The following CADPS2 variants were observed in gnomAD, a reference collection of about 807,000 sequenced individuals.
CADPS2 encodes the protein calcium dependent secretion activator 2.
CADPS2 carries 93 observed loss-of-function variants against 172.5 expected under a neutral mutation model. The observed-to-expected ratio is 0.54, with a 90% CI of 0.46 to 0.64. CADPS2 has a LOEUF of 0.64. Ranked by LOEUF, CADPS2 falls within the 30% of genes least tolerant of loss-of-function variation. The probability of loss-of-function intolerance (pLI) is 0.00; values close to 1 mark genes in which losing one functional copy is unlikely to be tolerated. For synonymous variants in CADPS2, 546 were observed against 555.2 expected (o/e 0.98, Z 0.23); for missense variants, 1,420 against 1,565.9 (o/e 0.91, Z 1.57).
chr7:122,391,536 C>T (rs556188571), intron 22 of CADPS2, among the ~76,000 whole-genome samples: 2 of 152,084 alleles, frequency 1.3e-5, no homozygotes, highest in African/African-American at 4.8e-5. Flanking sequence ...AAAAATCATA[C>T]ACTTAGAAAG....
At chr7:122,728,655 C>G (rs1048308192) in intron 2 of CADPS2, among the ~76,000 whole-genome samples, 1 of 151,676 alleles carries the variant, frequency 6.6e-6, no homozygotes, top group African/African-American at 2.4e-5. Context: ...AAGAGAAGTA[C>G]AACGGAAGAA....
intron 2 of CADPS2, among the ~76,000 whole-genome samples, chr7:122,690,646 G>C (rs1047483007): frequency 6.6e-6 from 1 of 152,176 alleles, no homozygotes; most frequent in Admixed American, 6.5e-5. Context: ...TCCTCTCATG[G>C]ATCCGGCCAC....
intron 14 of CADPS2, among the ~76,000 whole-genome samples, chr7:122,461,050 T>C (rs1330837547): frequency 6.6e-6 from 1 of 152,196 alleles, no homozygotes; most frequent in Non-Finnish European, 1.5e-5. Context: ...AGAGACTACA[T>C]GGTCAAAAAT....
intron 2 of CADPS2, among the ~76,000 whole-genome samples, chr7:122,670,675 A>G (rs529257640): frequency 6.6e-6 from 1 of 151,236 alleles, no homozygotes; most frequent in East Asian, 2.0e-4. Context: ...TTTTTTTTGT[A>G]TTTTTAGTAG....
intron 17 of CADPS2, among the ~76,000 whole-genome samples, chr7:122,423,472 T>A (rs1233365733): frequency 6.6e-6 from 1 of 152,110 alleles, no homozygotes; most frequent in African/African-American, 2.4e-5. Context: ...GTGAGGTGGT[T>A]CCCAAAAGCC....
intron 5 of CADPS2, among the ~76,000 whole-genome samples, chr7:122,617,887 C>T (rs2075117329): frequency 6.6e-6 from 1 of 152,126 alleles, no homozygotes; most frequent in Middle Eastern, 3.4e-3. Context: ...ACTAAAAATA[C>T]AAAAAATTAG....
rs1172975159 is a variant in CADPS2, at chr7:122,345,468, G to C, written c.3612+106C>G. ...CAACTTTTTAGTATAGAAGATACAGGATCACAAAAAGGAGACTATGCTTTG... is the reference window on the plus strand; with the variant it reads ...CAACTTTTTAGTATAGAAGATACAGCATCACAAAAAGGAGACTATGCTTTG... On this transcript the variant is annotated intron_variant, in intron 28 of 29. Coordinates refer to ENST00000449022, the MANE Select transcript of CADPS2 (RefSeq NM_017954.11). 3 of 675,558 alleles carry C rather than the reference G, an allele frequency of 4.4e-6. No individual in the cohort carries two copies. In the South Asian group the frequency reaches 5.7e-5, roughly 13 times the overall value. 41.8% of individuals were successfully genotyped at this position (675,558 alleles called of 1,614,324 possible).
intron 1 of CADPS2, among the ~76,000 whole-genome samples, chr7:122,784,582 T>G (rs1793582347): frequency 6.6e-6 from 1 of 152,222 alleles, no homozygotes; most frequent in Admixed American, 6.5e-5. Context: ...TGATATAAGT[T>G]GAAAGTAAGA....
At chr7:122,458,500 TA>T (rs1317692566) in intron 14 of CADPS2, among the ~76,000 whole-genome samples, 6 of 152,166 alleles carry the variant, frequency 3.9e-5, no homozygotes, top group Non-Finnish European at 7.4e-5. Flanking sequence ...CATTGAGATA[TA>T]AAAAACAGAT....
At chr7:122,601,328 G>T (rs1345909581) in intron 6 of CADPS2, among the ~76,000 whole-genome samples, 1 of 151,998 alleles carries the variant, frequency 6.6e-6, no homozygotes. Context: ...AACACAGTGA[G>T]AATTTCACAG....
chr7:122,420,639 A>C (rs2048434743), intron 17 of CADPS2, among the ~76,000 whole-genome samples: 1 of 152,222 alleles, frequency 6.6e-6, no homozygotes, highest in Non-Finnish European at 1.5e-5. Context: ...GTTTTCACTC[A>C]TTTTGTAACA....
chr7:122,437,601 G>A (rs1405584054), intron 17 of CADPS2, among the ~76,000 whole-genome samples: 1 of 151,714 alleles, frequency 6.6e-6, no homozygotes, highest in African/African-American at 2.4e-5. Context: ...CCCTCTATTA[G>A]TTAATCCTGC....
chr7:122,607,227 A>G (rs1450336631), intron 6 of CADPS2, among the ~76,000 whole-genome samples: 1 of 152,182 alleles, frequency 6.6e-6, no homozygotes, highest in Non-Finnish European at 1.5e-5. Flanking sequence ...TGAAATGTGT[A>G]AGTCTTGGTT....
At chr7:122,382,702 C>T (rs540455400) in intron 24 of CADPS2, among the ~76,000 whole-genome samples, 1 of 151,916 alleles carries the variant, frequency 6.6e-6, no homozygotes. Context: ...GTCTGTAATC[C>T]CAGCACTTTA....
intron 8 of CADPS2, among the ~76,000 whole-genome samples, chr7:122,539,883 A>C (rs2062743053): frequency 6.6e-6 from 1 of 151,910 alleles, no homozygotes; most frequent in South Asian, 2.1e-4. Context: ...ATGAAGAAAA[A>C]CATTTTTTCA....
Position 122,561,475 on chromosome 7 carries a change from T to C in CADPS2, c.1336-6786A>G, listed in dbSNP as rs368903940. ...ATTAGAAGCTTTGTTATTTGCATGA[T>C]GGGAGGATTAAGGATAAAGCAAGGA... On this transcript the variant is annotated intron_variant, in intron 7 of 29. Transcript: ENST00000449022. 9.2e-5 allele frequency among the ~76,000 whole-genome samples: 14 copies of C among 152,248 alleles called. No homozygotes were observed. The East Asian group carries it at 2.5e-3, about 27-fold the overall frequency.
chr7:122,673,025 C>T (rs967947198), intron 2 of CADPS2, among the ~76,000 whole-genome samples: 1 of 152,234 alleles, frequency 6.6e-6, no homozygotes, highest in Non-Finnish European at 1.5e-5. Flanking sequence ...TGCAGACCTT[C>T]GCAGTGTTAC....
intron 25 of CADPS2, among the ~76,000 whole-genome samples, chr7:122,362,862 T>C (rs1435585856): frequency 6.6e-6 from 1 of 152,164 alleles, no homozygotes; most frequent in Non-Finnish European, 1.5e-5. Flanking sequence ...AAATAGTTTA[T>C]GCAAAAGAAA....
At chr7:122,658,170 C>A (rs1301911052) in intron 3 of CADPS2, among the ~76,000 whole-genome samples, 2 of 152,130 alleles carry the variant, frequency 1.3e-5, no homozygotes, top group African/African-American at 2.4e-5. Flanking sequence ...CAGAGAAATG[C>A]AAATCAAAAC....
Sources: allele counts gnomAD v4.1 joint callset (sites outside exome capture counted in the v4.1 genomes callset), GRCh38; gene constraint gnomAD v4.1.1; transcripts MANE v1.5; gene names NCBI Gene and HGNC (gene_info 2026-07-23, HGNC 2026-07-21).